Variants in ARAP2 observed in about 807,000 individuals in gnomAD.
ARAP2 encodes the protein arf-GAP with Rho-GAP domain, ANK repeat and PH domain-containing protein 2.
In ARAP2, 148 loss-of-function variants were observed where a neutral mutation model predicts 194.5. The ratio of observed to expected loss-of-function variants is 0.76; its 90% confidence interval spans 0.67 to 0.87. The LOEUF (loss-of-function observed/expected upper bound fraction) is 0.87. ARAP2 is among the 40% of genes least tolerant of loss of function. The pLI, the probability that ARAP2 is intolerant of heterozygous loss-of-function variation, is 0.00. For synonymous variants in ARAP2, 695 were observed against 683.5 expected (o/e 1.02, Z -0.26); for missense variants, 2,128 against 1,989.7 (o/e 1.07, Z -1.32).
chr4:36,076,613 T>TCTCCATGCTTCCCTCTCCA (rs1560376477), intron 31 of ARAP2, among the ~76,000 whole-genome samples: 6 of 151,552 alleles, frequency 4.0e-5, no homozygotes, highest in African/African-American at 1.5e-4. Flanking sequence ...TCCCCAACCC[T>TCTCCATGCTTCCCTCTCCA]CCTCCATGCT....
intron 9 of ARAP2, 105 bp from the exon 10 acceptor site, chr4:36,167,152 C>A: frequency 1.4e-6 from 1 of 703,916 alleles, no homozygotes. Flanking sequence ...AATTTTACAA[C>A]AAAATCAGTC....
At chr4:36,121,052 A>G in intron 23 of ARAP2, 127 bp downstream of exon 23, 1 of 664,886 alleles carries the variant, frequency 1.5e-6, no homozygotes. Flanking sequence ...AAATATGACT[A>G]TTCCTTATTT....
At chr4:36,199,302 T>A (rs947492679) in intron 6 of ARAP2, among the ~76,000 whole-genome samples, 31 of 152,076 alleles carry the variant, frequency 2.0e-4, no homozygotes, top group Admixed American at 4.6e-4. Flanking sequence ...TTAAAAAAAA[T>A]TTTTTTTGAG....
intron 1 of ARAP2, chr4:36,058,193 A>C (rs1723838649): frequency 1.3e-5 from 2 of 152,168 alleles, no homozygotes; most frequent in African/African-American, 2.4e-5. Flanking sequence ...GTATCATGAG[A>C]CTACAAACAA....
intron 19 of ARAP2, among the ~76,000 whole-genome samples, chr4:36,134,757 CA>C: frequency 1.4e-5 from 2 of 143,626 alleles, no homozygotes; most frequent in Non-Finnish European, 3.1e-5. Context: ...CACACACACA[CA>C]CACCCTCCTG....
chr4:36,082,191 T>C (rs1729719995), intron 30 of ARAP2, 60 bp downstream of exon 30: 2 of 1,478,830 alleles, frequency 1.4e-6, no homozygotes, highest in South Asian at 1.2e-5. Context: ...ACTGAAATTA[T>C]TCTTTTCCTG....
At chr4:36,183,026 C>A (rs549563710) in intron 8 of ARAP2, among the ~76,000 whole-genome samples, 1 of 152,094 alleles carries the variant, frequency 6.6e-6, no homozygotes, top group Non-Finnish European at 1.5e-5. Flanking sequence ...TGGGGCCCCA[C>A]AATCGAGTAT....
chr4:36,056,318 G>A (rs1169771594), intron 2 of ARAP2, among the ~76,000 whole-genome samples: 4 of 152,154 alleles, frequency 2.6e-5, no homozygotes, highest in Admixed American at 2.6e-4. Flanking sequence ...GTGAAACCTG[G>A]ACTGTGACCC....
At chr4:36,208,502 T>C (rs1746050337) in intron 6 of ARAP2, among the ~76,000 whole-genome samples, 1 of 152,166 alleles carries the variant, frequency 6.6e-6, no homozygotes, top group African/African-American at 2.4e-5. Flanking sequence ...TGGAATCCCA[T>C]CTCAATCAGC....
At chr4:36,184,617 C>A (rs752145514) in intron 8 of ARAP2, among the ~76,000 whole-genome samples, 2 of 152,098 alleles carry the variant, frequency 1.3e-5, no homozygotes, top group African/African-American at 2.4e-5. Flanking sequence ...TTAAATAAAA[C>A]GTGTCTGTTT....
chr4:36,210,369 A>G, intron 6 of ARAP2, 21 bp downstream of exon 6: 1 of 1,548,522 alleles, frequency 6.5e-7, no homozygotes, highest in African/African-American at 1.4e-5. Flanking sequence ...CCACTTATGA[A>G]ATAAATGCAT....
Position 36,121,217 on chromosome 4 carries a change from T to C in ARAP2, c.3856A>G (p.Ile1286Val), listed in dbSNP as rs1722601778. ...ACATAATTATTAATTAGGTCCTCAA[T>C]TACATTCACTTCTTCACTAGTTTGT... ...KGQTSEEVNV[I>V]EDLINNYVEI... is the part of the protein sequence containing the mutation. Residue 1286 changes from isoleucine to valine, a missense_variant, in exon 23 of 33, where the codon ATT (isoleucine) becomes GTT (valine). Transcript: ENST00000303965. 3 of 1,604,668 alleles carry C rather than the reference T, an allele frequency of 1.9e-6. No individual in the cohort carries two copies. Among genetic ancestry groups the C allele is most frequent in the Non-Finnish European group, 2.6e-6 (3 of 1,174,948 alleles).
intron 28 of ARAP2, among the ~76,000 whole-genome samples, chr4:36,085,331 C>CT (rs1390325980): frequency 6.6e-6 from 1 of 151,716 alleles, no homozygotes; most frequent in Non-Finnish European, 1.5e-5. Flanking sequence ...TTAAGGGTTG[C>CT]TTTTTTTAGG....
chr4:36,140,103 A>G (rs1255006721), intron 19 of ARAP2, among the ~76,000 whole-genome samples: 1 of 150,284 alleles, frequency 6.7e-6, no homozygotes, highest in East Asian at 2.0e-4. Context: ...AGATCCAGAT[A>G]AAAATACTTT....
Position 36,214,533 on chromosome 4 carries a change from T to C in ARAP2, c.906-53A>G, listed in dbSNP as rs1747488203. 7.6e-6 allele frequency: 9 copies of C among 1,183,640 alleles called. No homozygotes were observed. In the South Asian group the frequency reaches 8.2e-5, roughly 11 times the overall value. 73.3% of individuals were successfully genotyped at this position (1,183,640 alleles called of 1,614,324 possible). ...TGAGTGAAAATATTTATGATATTTATGAGTAAAATTAAAATTATTAGAAAA... is the reference window on the plus strand; with the variant it reads ...TGAGTGAAAATATTTATGATATTTACGAGTAAAATTAAAATTATTAGAAAA... On this transcript the variant is annotated intron_variant, in intron 2 of 32. Transcript: ENST00000303965.
chr4:36,084,561 C>A (rs1346633996), intron 28 of ARAP2, among the ~76,000 whole-genome samples: 3 of 151,962 alleles, frequency 2.0e-5, no homozygotes, highest in Non-Finnish European at 4.4e-5. Flanking sequence ...TGAAAATTAT[C>A]CTAATTAAAA....
intron 27 of ARAP2, among the ~76,000 whole-genome samples, chr4:36,102,461 T>C (rs1717210854): frequency 6.6e-6 from 1 of 152,008 alleles, no homozygotes; most frequent in Non-Finnish European, 1.5e-5. Context: ...GTTTCATATA[T>C]TTATATATTT....
intron 19 of ARAP2, among the ~76,000 whole-genome samples, chr4:36,136,922 A>ACG (rs964321133): frequency 7.5e-4 from 22 of 29,146 alleles, no homozygotes; most frequent in South Asian, 2.1e-3. Context: ...ACACACATAC[A>ACG]CGCGCGCGCG....
At chr4:36,232,883 C>T (rs554926627) in intron 1 of ARAP2, among the ~76,000 whole-genome samples, 15 of 152,284 alleles carry the variant, frequency 9.9e-5, no homozygotes, top group African/African-American at 3.6e-4. Flanking sequence ...TTTTGCTATG[C>T]ATGTGTGTAT....
Sources: allele counts gnomAD v4.1 joint callset (sites outside exome capture counted in the v4.1 genomes callset), GRCh38; gene constraint gnomAD v4.1.1; transcripts MANE v1.5; gene names NCBI Gene and HGNC (gene_info 2026-07-23, HGNC 2026-07-21).